The following USP32 variants were observed in gnomAD, a reference collection of about 807,000 sequenced individuals.
The protein encoded by USP32 is ubiquitin specific peptidase 32.
A neutral mutation model predicts 204.8 loss-of-function variants in USP32; 59 were observed. The observed-to-expected ratio is 0.29, with a 90% CI of 0.23 to 0.36. The LOEUF (loss-of-function observed/expected upper bound fraction) is 0.36. Among genes scored for constraint, USP32 ranks in the 10% least tolerant of loss-of-function variants. The pLI, the probability that USP32 is intolerant of heterozygous loss-of-function variation, is 1.00. For synonymous variants in USP32, 517 were observed against 678.4 expected (o/e 0.76, Z 3.70); for missense variants, 1,160 against 1,946.4 (o/e 0.60, Z 7.60).
intron 1 of USP32, among the ~76,000 whole-genome samples, chr17:60,369,544 A>C (rs2089396387): frequency 6.6e-6 from 1 of 152,096 alleles, no homozygotes; most frequent in African/African-American, 2.4e-5. Flanking sequence ...TTTTTCAGAT[A>C]TATGTAAGAG....
chr17:60,397,333 A>G (rs1280598667), intron 1 of USP32, among the ~76,000 whole-genome samples: 2 of 152,160 alleles, frequency 1.3e-5, no homozygotes, highest in Admixed American at 6.5e-5. Flanking sequence ...CTTGTGGATG[A>G]GAGATTTAAA....
chr17:60,398,837 T>C (rs999325208), intron 1 of USP32, among the ~76,000 whole-genome samples: 1 of 151,816 alleles, frequency 6.6e-6, no homozygotes, highest in African/African-American at 2.4e-5. Flanking sequence ...TTTAATTAGC[T>C]GGGTGTAGTG....
chr17:60,279,366 C>T (rs1477098532), intron 5 of USP32, among the ~76,000 whole-genome samples: 2 of 151,428 alleles, frequency 1.3e-5, no homozygotes, highest in East Asian at 3.9e-4. Context: ...GCACCTGTGG[C>T]CCCAGCTACT....
intron 1 of USP32, among the ~76,000 whole-genome samples, chr17:60,368,810 TA>T (rs2089372193): frequency 6.6e-6 from 1 of 152,060 alleles, no homozygotes; most frequent in Non-Finnish European, 1.5e-5. Flanking sequence ...AGCGAAAGTG[TA>T]CAAACATTTC....
intron 5 of USP32, 41 bp downstream of exon 5, chr17:60,288,482 A>AT (rs1567829744): frequency 6.5e-7 from 1 of 1,541,658 alleles, no homozygotes; most frequent in Admixed American, 2.2e-5. Flanking sequence ...TTATATATAT[A>AT]AAAAAAGGCA....
chr17:60,421,778 G>A (rs983510448), intron 1 of USP32: 103 of 924,708 alleles, frequency 1.1e-4, no homozygotes, highest in Non-Finnish European at 1.3e-4. Flanking sequence ...CGGGTCCCTG[G>A]AGGGCTCGCG....
At chr17:60,384,250 C>G (rs1279477186) in intron 1 of USP32, among the ~76,000 whole-genome samples, 1 of 152,162 alleles carries the variant, frequency 6.6e-6, no homozygotes, top group Non-Finnish European at 1.5e-5. Flanking sequence ...CTCTCCAGAC[C>G]CTTTCACGAG....
At chr17:60,248,166 T>C (rs1355779216) in intron 11 of USP32, among the ~76,000 whole-genome samples, 1 of 149,396 alleles carries the variant, frequency 6.7e-6, no homozygotes, top group African/African-American at 2.6e-5. Flanking sequence ...TTTTTGCTTT[T>C]TTGGTTTTTT....
intron 15 of USP32, among the ~76,000 whole-genome samples, chr17:60,220,848 C>T (rs868220414): frequency 3.3e-5 from 5 of 151,756 alleles, no homozygotes; most frequent in South Asian, 2.1e-4. Context: ...AGGGTTTCAC[C>T]GTTGTTAGCC....
chr17:60,239,247 T>TAAGA (rs2085813383), intron 11 of USP32, among the ~76,000 whole-genome samples: 3 of 152,362 alleles, frequency 2.0e-5, no homozygotes, highest in African/African-American at 7.2e-5. Flanking sequence ...GCTTCTCTTT[T>TAAGA]GCTTTCAAGA....
At chr17:60,253,780 A>G (rs924476698) in intron 10 of USP32, among the ~76,000 whole-genome samples, 4 of 152,230 alleles carry the variant, frequency 2.6e-5, no homozygotes, top group Non-Finnish European at 5.9e-5. Flanking sequence ...ATAAATAAAT[A>G]AATAAAAAAT....
At chr17:60,357,491 A>G (rs73320756) in intron 1 of USP32, among the ~76,000 whole-genome samples, 6,933 of 151,976 alleles carry the variant, frequency 0.046, 572 homozygotes, top group African/African-American at 0.16. Context: ...TATGTAGACC[A>G]AGCAAGCAAC....
intron 26 of USP32, among the ~76,000 whole-genome samples, chr17:60,199,445 G>A (rs183077846): frequency 3.3e-5 from 5 of 152,238 alleles, no homozygotes; most frequent in African/African-American, 7.2e-5. Flanking sequence ...CCTGGAAATG[G>A]CTGTTAAATA....
At chr17:60,223,633 C>G in intron 13 of USP32, 47 bp from the exon 14 acceptor site, 1 of 1,523,040 alleles carries the variant, frequency 6.6e-7, no homozygotes, top group South Asian at 1.3e-5. Context: ...AGTTATTATA[C>G]ATAAACAGGC....
Position 60,301,663 on chromosome 17 carries a change from G to A in USP32, c.228C>T (p.His76=), listed in dbSNP as rs911373376. The A allele has an allele frequency of 6.2e-7, 1 of 1,601,492 alleles. No individual in the cohort carries two copies. The highest frequency in any genetic ancestry group is 8.5e-7 in the Non-Finnish European group (1 of 1,176,884). ...CSFGGTSKGL[H]FNNLIVGLVL... ...CAAGTCCAACTATTAAATTATTGAA[G>A]TGCAGCCCTTTGGATGTTCCACCAA... Residue 76 remains histidine (H), a synonymous_variant, in exon 3 of 34, where the codon CAC becomes CAT. Coordinates refer to ENST00000300896, the MANE Select transcript of USP32 (RefSeq NM_032582.4).
intron 2 of USP32, among the ~76,000 whole-genome samples, chr17:60,315,612 G>A (rs956839800): frequency 2.6e-5 from 4 of 152,012 alleles, no homozygotes; most frequent in African/African-American, 9.7e-5. Flanking sequence ...GATTCAAACA[G>A]ATACTTGTAT....
chr17:60,325,173 G>T (rs1017052375), intron 2 of USP32, among the ~76,000 whole-genome samples: 5 of 152,162 alleles, frequency 3.3e-5, no homozygotes, highest in African/African-American at 9.7e-5. Flanking sequence ...CAGCATTTTG[G>T]GAGCCTGAGG....
intron 2 of USP32, among the ~76,000 whole-genome samples, chr17:60,315,668 A>AC (rs2087957568): frequency 6.6e-6 from 1 of 152,208 alleles, no homozygotes; most frequent in Non-Finnish European, 1.5e-5. Flanking sequence ...AAAGGTGGAA[A>AC]CAACCCATAA....
At chr17:60,278,629 G>A (rs1354889612) in intron 5 of USP32, among the ~76,000 whole-genome samples, 4 of 151,966 alleles carry the variant, frequency 2.6e-5, no homozygotes, top group Non-Finnish European at 5.9e-5. Context: ...CCTATAGAAA[G>A]GTTTATACCA....
Sources: gnomAD v4.1 joint callset for allele counts (sites outside exome capture counted in the v4.1 genomes callset) on GRCh38, gnomAD v4.1.1 for gene constraint, MANE v1.5 for transcripts, NCBI Gene and HGNC (gene_info 2026-07-23, HGNC 2026-07-21) for gene names.